MPDZ: variants seen among roughly 807,000 people sequenced by gnomAD.
The protein encoded by MPDZ is multiple PDZ domain crumbs cell polarity complex component, also known as multiple PDZ domain protein.
A neutral mutation model predicts 239.1 loss-of-function variants in MPDZ; 234 were observed. That is an observed-to-expected ratio of 0.98 (90% CI 0.88 to 1.09). MPDZ has a LOEUF of 1.09. Ranked by LOEUF, MPDZ falls within the 50% of genes least tolerant of loss-of-function variation. The pLI is 0.00. For missense variants in MPDZ, 3,175 were observed against 2,510.0 expected, an observed-to-expected ratio of 1.26 and a Z score of -5.66; for synonymous variants, 1,048 against 881.3, an observed-to-expected ratio of 1.19 and a Z score of -3.35.
rs1017726775 is a variant in MPDZ at position 13,174,789 on chromosome 9, TACA to T, written c.3055+960_3055+962del. Reference sequence around the variant, plus strand: ...TAAACATAACGTACATAAGAAATATTACAACAACACAAATACTATCTGCTACAA... The same window carrying T: ...TAAACATAACGTACATAAGAAATATTACAACACAAATACTATCTGCTACAA... On this transcript the variant is annotated intron_variant, in intron 21 of 46. Transcript: ENST00000319217. 3.9e-5 allele frequency among the ~76,000 whole-genome samples: 6 copies of T among 152,282 alleles called. No homozygotes were observed. In the South Asian group the frequency reaches 6.2e-4, roughly 16 times the overall value.
chr9:13,244,972 A>G (rs1966262215), intron 3 of MPDZ, among the ~76,000 whole-genome samples: 2 of 152,296 alleles, frequency 1.3e-5, no homozygotes, highest in African/African-American at 2.4e-5. Context: ...ATAATAGTAA[A>G]AAAGATGGAG....
intron 43 of MPDZ, 85 bp from the exon 44 acceptor site, chr9:13,110,825 C>T: frequency 1.2e-6 from 1 of 842,916 alleles, no homozygotes; most frequent in Non-Finnish European, 1.9e-6. Flanking sequence ...TTTCCTTCTC[C>T]ACCTTCCACA....
chr9:13,147,279 T>C (rs936619308), intron 26 of MPDZ, among the ~76,000 whole-genome samples: 10 of 152,048 alleles, frequency 6.6e-5, no homozygotes, highest in Non-Finnish European at 1.5e-5. Context: ...TTAAAATGAA[T>C]ACTAATAATT....
In MPDZ at chr9:13,150,552, C is replaced by T; in HGVS notation, c.3589G>A (p.Gly1197Ser). 1 of 1,576,160 alleles carries T rather than the reference C, an allele frequency of 6.3e-7. No individual in the cohort carries two copies. Among genetic ancestry groups the T allele is most frequent in the Non-Finnish European group, 8.6e-7 (1 of 1,159,680 alleles). The part of the protein sequence containing the change: ...IKHVLEDSPA[G>S]KNGTLKPGDR... The stretch of plus-strand genomic sequence containing the variant: ...CCAGGTTTCAAGGTTCCATTTTTGC[C>T]AGCTGGACTATCTTCCAGAACATGT... The change falls in exon 25 of 47, where the codon GGC (glycine) becomes AGC (serine). Residue 1197 changes from glycine to serine, a missense_variant. Physicochemically the swap from Gly to Ser is moderately conservative, Grantham distance 56. Transcript: ENST00000319217.
chr9:13,143,361 T>G (rs1339135678), intron 27 of MPDZ, 105 bp downstream of exon 27: 1 of 858,600 alleles, frequency 1.2e-6, no homozygotes, highest in Non-Finnish European at 1.9e-6. Flanking sequence ...TTTTTTTCCC[T>G]GCCCAAATGT....
chr9:13,108,984 G>T lies in MPDZ; in HGVS notation c.6018C>A (p.Gly2006=). ...AAATGGGTAAGTCTCCATGAGGGCT[G>T]CCATATCCTCCAACTATACTGAAGC... ...GLGFSIVGGY[G]SPHGDLPIYV... Residue 2006 remains glycine (G), a synonymous_variant, in exon 46 of 47, where the codon GGC becomes GGA. Transcript: ENST00000319217. 1.2e-6 allele frequency: 2 copies of T among 1,606,998 alleles called. No individual in the cohort carries two copies. Among genetic ancestry groups the T allele is most frequent in the Non-Finnish European group, 1.7e-6 (2 of 1,176,388 alleles).
chr9:13,140,172 G>C, intron 27 of MPDZ, 23 bp from the exon 28 acceptor site: 1 of 1,611,498 alleles, frequency 6.2e-7, no homozygotes, highest in Admixed American at 1.7e-5. Flanking sequence ...AAAGAATGCA[G>C]TGGGTTTGTA....
chr9:13,261,972 G>A (rs1158098954), intron 1 of MPDZ, among the ~76,000 whole-genome samples: 1 of 151,872 alleles, frequency 6.6e-6, no homozygotes. Context: ...CTGAGCCCAG[G>A]AGATTGAGGC....
At chr9:13,182,785 T>C (rs1367017645) in intron 19 of MPDZ, among the ~76,000 whole-genome samples, 1 of 152,140 alleles carries the variant, frequency 6.6e-6, no homozygotes, top group Non-Finnish European at 1.5e-5. Flanking sequence ...TTATAGAGTA[T>C]GTCACCAAGA....
At chr9:13,178,021 G>C (rs1259794231) in intron 19 of MPDZ, among the ~76,000 whole-genome samples, 1 of 152,156 alleles carries the variant, frequency 6.6e-6, no homozygotes, top group Non-Finnish European at 1.5e-5. Context: ...CATCGTGATG[G>C]TCTTCATCTC....
At chr9:13,264,213 T>A (rs1400865498) in intron 1 of MPDZ, among the ~76,000 whole-genome samples, 1 of 152,204 alleles carries the variant, frequency 6.6e-6, no homozygotes, top group African/African-American at 2.4e-5. Context: ...GTTATTTTTA[T>A]TTTTAAGATG....
chr9:13,170,667 C>G (rs886767701), intron 21 of MPDZ, among the ~76,000 whole-genome samples: 1 of 152,130 alleles, frequency 6.6e-6, no homozygotes, highest in Non-Finnish European at 1.5e-5. Flanking sequence ...CTTATTAGCA[C>G]CATGCAGACT....
In MPDZ at chr9:13,196,148, C is replaced by A. The variant is rs1403727324; in HGVS notation, c.1629G>T (p.Arg543Ser). 3 of 1,601,854 alleles carry A rather than the reference C, an allele frequency of 1.9e-6. 1 individual carries two copies. The South Asian group carries it at 3.4e-5, about 18-fold the overall frequency. ...QEAALLTKWQ[R>S]IMGINYEIVV... The stretch of plus-strand genomic sequence containing the variant: ...CTATTTCATAGTTAATTCCCATAAT[C>A]CTTTGCCATTTTGTCAGCAGAGCAG... Residue 543 changes from arginine (R) to serine (S), a missense_variant, in exon 13 of 47, where the codon AGG (arginine) becomes AGT (serine). Arg to Ser is a moderately radical substitution (Grantham distance 110). Coordinates refer to ENST00000319217, the MANE Select transcript of MPDZ (RefSeq NM_001378778.1).
intron 41 of MPDZ, 41 bp downstream of exon 41, chr9:13,113,890 G>T: frequency 1.4e-6 from 2 of 1,476,934 alleles, no homozygotes; most frequent in Non-Finnish European, 9.2e-7. Flanking sequence ...AGTGTTGACA[G>T]CCAAATTCAA....
intron 2 of MPDZ, 131 bp from the exon 3 acceptor site, chr9:13,247,932 T>TA: frequency 3.3e-6 from 3 of 904,290 alleles, no homozygotes; most frequent in East Asian, 2.5e-5. Flanking sequence ...TTAAATTGAA[T>TA]AAAAAAACAG....
In MPDZ at chr9:13,228,523, T is replaced by C. The variant is rs1216536020; in HGVS notation, c.184-3940A>G. Among the ~76,000 whole-genome samples the C allele has an allele frequency of 7.2e-5, 11 of 152,248 alleles. No homozygotes were observed. In the East Asian group the frequency reaches 1.4e-3, roughly 19 times the overall value. ...ACAAAGAAAAAATATGTACCTTATT[T>C]TAACTTAAAACACATGTATATTCAT... is the stretch of plus-strand genomic sequence containing the variant. On this transcript the variant is annotated intron_variant, in intron 3 of 46. Transcript: ENST00000319217.
intron 32 of MPDZ, among the ~76,000 whole-genome samples, chr9:13,130,641 T>C (rs1294814606): frequency 1.3e-5 from 2 of 152,242 alleles, no homozygotes; most frequent in African/African-American, 2.4e-5. Flanking sequence ...GTAAGCACTA[T>C]ATAAGCCAGA....
intron 32 of MPDZ, among the ~76,000 whole-genome samples, chr9:13,132,916 C>T (rs1437038285): frequency 1.3e-5 from 2 of 152,130 alleles, no homozygotes; most frequent in Admixed American, 6.6e-5. Flanking sequence ...GTTCATTCCA[C>T]AGACATTTCC....
At chr9:13,252,762 T>C (rs555698162) in intron 1 of MPDZ, among the ~76,000 whole-genome samples, 18 of 152,040 alleles carry the variant, frequency 1.2e-4, no homozygotes, top group East Asian at 1.2e-3. Flanking sequence ...GGCAGGAGAA[T>C]TGCCTGAATA....
Sources: gnomAD v4.1 joint callset for allele counts (sites outside exome capture counted in the v4.1 genomes callset) on GRCh38, gnomAD v4.1.1 for gene constraint, MANE v1.5 for transcripts, NCBI Gene and HGNC (gene_info 2026-07-23, HGNC 2026-07-21) for gene names.